Variants in PODXL2 observed in about 807,000 individuals in gnomAD.
The protein encoded by PODXL2 is podocalyxin-like protein 2.
In PODXL2, 17 loss-of-function variants were observed where a neutral mutation model predicts 53.4. The observed-to-expected ratio is 0.32, with a 90% confidence interval of 0.22 to 0.48. The LOEUF (loss-of-function observed/expected upper bound fraction) is 0.48, where lower values mean the gene tolerates loss of function less well. Among genes scored for constraint, PODXL2 ranks in the 20% least tolerant of loss-of-function variants. The pLI is 0.99. For synonymous variants in PODXL2, 311 were observed against 306.7 expected, an observed-to-expected ratio of 1.01 and a Z score of -0.15; for missense variants, 673 against 760.0, an observed-to-expected ratio of 0.89 and a Z score of 1.35.
chr3:127,671,726 G>C lies in PODXL2; in HGVS notation c.1605+113G>C, dbSNP rs1449542256. On this transcript the variant is annotated intron_variant, in intron 7 of 7. Transcript: ENST00000342480. ...CTCTCCTGGGCGCACAGGGTCCCGTGGGTGAAGCAGCTGGTCAGCCTAGCA... is the reference window on the plus strand; with the variant it reads ...CTCTCCTGGGCGCACAGGGTCCCGTCGGTGAAGCAGCTGGTCAGCCTAGCA... The C allele has an allele frequency of 9.8e-6, 10 of 1,022,620 alleles. No homozygotes were observed. In the African/African-American group the frequency reaches 1.6e-4, roughly 16 times the overall value. The allele number at this position is 1,022,620 out of a possible 1,614,324, so 63.3% of individuals were successfully genotyped here.
chr3:127,672,583 C>T lies in PODXL2; in HGVS notation c.*103C>T. ...ACCAGCCCCGCGCCTACCCGGGCCG[C>T]CCCCGCGGCCTGGCCCTCGGCGCGG... On this transcript the variant is annotated 3_prime_UTR_variant, in exon 8 of 8. Coordinates refer to ENST00000342480, the MANE Select transcript of PODXL2 (RefSeq NM_015720.4). 1.4e-6 allele frequency: 1 copy of T among 737,496 alleles called. No homozygotes were observed. Among genetic ancestry groups the T allele is most frequent in the Non-Finnish European group, 2.0e-6 (1 of 498,450 alleles). 45.7% of individuals were successfully genotyped at this position (737,496 alleles called of 1,614,324 possible). A position where few individuals can be genotyped will look rare whatever the true frequency, so the allele number is the denominator to read the frequency against.
At chr3:127,668,339 G>C (rs2107545709) in intron 4 of PODXL2, 102 bp from the exon 5 acceptor site, 15 of 1,093,846 alleles carry the variant, frequency 1.4e-5, no homozygotes, top group Non-Finnish European at 1.8e-5. Flanking sequence ...TCTTGGAACA[G>C]CCAGAGGGTT....
At chr3:127,671,667 G>A in intron 7 of PODXL2, 54 bp downstream of exon 7, 6 of 1,537,320 alleles carry the variant, frequency 3.9e-6, no homozygotes, top group Non-Finnish European at 5.4e-6. Flanking sequence ...AGTGCCCATC[G>A]ATAGGTGTCC....
chr3:127,657,477 A>G (rs968990934), intron 2 of PODXL2, among the ~76,000 whole-genome samples: 6 of 152,194 alleles, frequency 3.9e-5, no homozygotes, highest in African/African-American at 1.4e-4. Context: ...CCTGTTGGCC[A>G]TCTAGCTCAC....
Position 127,639,372 on chromosome 3 carries a change from G to C in PODXL2, c.198G>C (p.Glu66Asp), listed in dbSNP as rs771664254. Residue 66 changes from glutamate (E) to aspartate (D), a missense_variant, in exon 2 of 8, where the codon GAG becomes GAC. Physicochemically the swap from Glu to Asp is conservative, Grantham distance 45. This residue lies in a region of PODXL2 where 588 missense variants were observed against 668.3 expected (regional missense o/e 0.88). Coordinates refer to ENST00000342480, the MANE Select transcript of PODXL2 (RefSeq NM_015720.4). ...CACTGGACTCAGAGGAGCCTAGTGAGACCATGGGCCTGGGAGCTGGGCTGG... is the reference window on the plus strand; with the variant it reads ...CACTGGACTCAGAGGAGCCTAGTGACACCATGGGCCTGGGAGCTGGGCTGG... ...LEPLDSEEPS[E>D]TMGLGAGLGA... is the part of the protein sequence containing the mutation. 5 of 1,614,106 alleles carry C rather than the reference G, an allele frequency of 3.1e-6. No individual in the cohort carries two copies. The African/African-American group carries it at 6.7e-5, about 22-fold the overall frequency.
rs2074765272 is a variant in PODXL2, at chr3:127,661,136, A to G, written c.1108A>G (p.Arg370Gly). The G allele has an allele frequency of 6.2e-7, 1 of 1,613,844 alleles. No individual in the cohort carries two copies. Among genetic ancestry groups the G allele is most frequent in the South Asian group, 1.1e-5 (1 of 91,082 alleles). ...AGGGCAGGCAGCTGAAGCTCAATCC[A>G]GGATACCCTGGGATTCTACGCAGGT... The part of the protein sequence containing the change: ...LEGQAAEAQS[R>G]IPWDSTQVIC... Residue 370 changes from arginine (R) to glycine (G), a missense_variant, in exon 3 of 8, where the codon AGG becomes GGG. By Grantham distance (125) the Arg-to-Gly change is moderately radical. Around this residue, in one of 3 missense-constraint regions of PODXL2, gnomAD observed 588 missense variants for 668.3 expected, o/e 0.88. Coordinates refer to ENST00000342480, the MANE Select transcript of PODXL2 (RefSeq NM_015720.4).
chr3:127,671,602 C>T lies in PODXL2; in HGVS notation c.1594C>T (p.Leu532Phe). The change falls in exon 7 of 8, where the codon CTC becomes TTC. Residue 532 changes from leucine (L) to phenylalanine (F), a missense_variant. Around this residue, in one of 3 missense-constraint regions of PODXL2, gnomAD observed 588 missense variants for 668.3 expected, o/e 0.88. Transcript: ENST00000342480. The stretch of plus-strand genomic sequence containing the variant: ...CTGCTGGCAGCGCCGGCTGCCCAAG[C>T]TCAAGCACGTGGTGAGTGTGGGGAC... ...YNCWQRRLPK[L>F]KHVSHGEELR... 1 of 1,613,508 alleles carries T rather than the reference C, an allele frequency of 6.2e-7. No individual in the cohort carries two copies. Among genetic ancestry groups the T allele is most frequent in the Non-Finnish European group, 8.5e-7 (1 of 1,179,992 alleles).
intron 4 of PODXL2, 59 bp downstream of exon 4, chr3:127,662,370 G>T: frequency 7.3e-7 from 1 of 1,373,538 alleles, no homozygotes; most frequent in Non-Finnish European, 1.0e-6. Context: ...GGACAGGGTG[G>T]GGCAGAGGGC....
intron 1 of PODXL2, among the ~76,000 whole-genome samples, chr3:127,631,192 T>C: frequency 6.6e-6 from 1 of 152,188 alleles, no homozygotes; most frequent in East Asian, 1.9e-4. Flanking sequence ...CTGTTGTCGC[T>C]GACACTTAAG....
intron 2 of PODXL2, among the ~76,000 whole-genome samples, chr3:127,649,917 C>G (rs2074678251): frequency 6.6e-6 from 1 of 152,152 alleles, no homozygotes; most frequent in Non-Finnish European, 1.5e-5. Context: ...AGCCTGGACA[C>G]CAGAACAAGA....
intron 2 of PODXL2, among the ~76,000 whole-genome samples, chr3:127,657,112 G>A (rs1313517420): frequency 6.6e-6 from 1 of 152,190 alleles, no homozygotes; most frequent in Non-Finnish European, 1.5e-5. Flanking sequence ...TAAGTTAGTG[G>A]CTGAGTCCCA....
intron 2 of PODXL2, among the ~76,000 whole-genome samples, chr3:127,649,449 A>T (rs900209344): frequency 1.1e-4 from 17 of 152,330 alleles, no homozygotes; most frequent in Admixed American, 2.6e-4. Flanking sequence ...ATTTGTCTTT[A>T]AAGCTTCTCG....
chr3:127,638,870 A>C (rs1443165388), intron 1 of PODXL2, among the ~76,000 whole-genome samples: 2 of 152,186 alleles, frequency 1.3e-5, no homozygotes, highest in Non-Finnish European at 2.9e-5. Flanking sequence ...TAGGTCCTTA[A>C]AAGCATGGGC....
rs115801246 is a variant in PODXL2 at position 127,668,590 on chromosome 3, C to T, written c.1356C>T (p.Gly452=). 2.6e-6 allele frequency: 4 copies of T among 1,534,148 alleles called. No individual in the cohort carries two copies. Among genetic ancestry groups the T allele is most frequent in the Admixed American group, 2.0e-5 (1 of 50,306 alleles). Reference sequence around the variant, plus strand: ...AGCACCTTCTCATGACACTGGTGGGCGAGCAGGGTGAGCGAGGGCAGGTGA... The same window carrying T: ...AGCACCTTCTCATGACACTGGTGGGTGAGCAGGGTGAGCGAGGGCAGGTGA... ...KEQHLLMTLV[G]EQGVVPTQDV... is the part of the protein sequence containing the mutation. The change falls in exon 5 of 8, where the codon GGC becomes GGT. Residue 452 remains glycine (G), a synonymous_variant. Coordinates refer to ENST00000342480, the MANE Select transcript of PODXL2 (RefSeq NM_015720.4).
intron 4 of PODXL2, among the ~76,000 whole-genome samples, chr3:127,666,966 G>T (rs1428106488): frequency 6.6e-6 from 1 of 152,224 alleles, no homozygotes; most frequent in African/African-American, 2.4e-5. Flanking sequence ...GTAACCAGGG[G>T]TCTGTGGGTC....
chr3:127,666,754 C>T (rs1463547821), intron 4 of PODXL2, among the ~76,000 whole-genome samples: 4 of 152,196 alleles, frequency 2.6e-5, no homozygotes, highest in African/African-American at 9.7e-5. Flanking sequence ...CCCCTTGCCA[C>T]GGACATTCAG....
rs561572042 is a variant in PODXL2, at chr3:127,667,883, G to A, written c.1207-558G>A. 4.6e-5 allele frequency among the ~76,000 whole-genome samples: 7 copies of A among 152,320 alleles called. No individual in the cohort carries two copies. In the East Asian group the frequency reaches 1.2e-3, roughly 25 times the overall value. Reference sequence around the variant, plus strand: ...CAACAGCTTGGGGCTGCATCTCTGCGATGACAGGCGAGAGGAGAGCCGCGT... The same window carrying A: ...CAACAGCTTGGGGCTGCATCTCTGCAATGACAGGCGAGAGGAGAGCCGCGT... On this transcript the variant is annotated intron_variant, in intron 4 of 7. Coordinates refer to ENST00000342480, the MANE Select transcript of PODXL2 (RefSeq NM_015720.4).
chr3:127,655,411 A>G (rs1032513785), intron 2 of PODXL2, among the ~76,000 whole-genome samples: 2 of 152,098 alleles, frequency 1.3e-5, no homozygotes, highest in Non-Finnish European at 2.9e-5. Context: ...GTCTCAAATA[A>G]TAATAATGAT....
rs201092495 is a variant in PODXL2 at position 127,662,231 on chromosome 3, G to T, written c.1132-6G>T. ...CTGTCGCCCTTCTTTCTGTCTCCTC[G>T]CACAGGTGATCTGCAAGGACTGGAG... is the stretch of plus-strand genomic sequence containing the variant. On this transcript the variant is annotated splice_region_variant and splice_polypyrimidine_tract_variant and intron_variant, in intron 3 of 7. Coordinates refer to ENST00000342480, the MANE Select transcript of PODXL2 (RefSeq NM_015720.4). 3 of 1,612,780 alleles carry T rather than the reference G, an allele frequency of 1.9e-6. No individual in the cohort carries two copies. Among genetic ancestry groups the T allele is most frequent in the Non-Finnish European group, 2.5e-6 (3 of 1,178,926 alleles).
Sources: gnomAD v4.1 joint callset for allele counts (sites outside exome capture counted in the v4.1 genomes callset) on GRCh38, gnomAD v4.1.1 for gene constraint, gnomAD v4.1.1 regional missense constraint, MANE v1.5 for transcripts, NCBI Gene and HGNC (gene_info 2026-07-23, HGNC 2026-07-21) for gene names.